Variants in DIP2C observed in about 807,000 individuals in gnomAD.
The protein encoded by DIP2C is DIP2 acetate--CoA ligase C (putative), also known as disco-interacting protein 2 homolog C.
A neutral mutation model predicts 192.4 loss-of-function variants in DIP2C; 33 were observed. The observed-to-expected ratio is 0.17, with a 90% CI of 0.13 to 0.23. The LOEUF is 0.23. DIP2C is among the 10% of genes least tolerant of loss of function. The pLI, the probability that DIP2C is intolerant of heterozygous loss-of-function variation, is 1.00. For missense variants in DIP2C, 1,537 were observed against 2,110.1 expected (o/e 0.73, Z 5.32); for synonymous variants, 979 against 864.1 (o/e 1.13, Z -2.33).
chr10:459,303 G>A (rs2133371572), intron 3 of DIP2C, among the ~76,000 whole-genome samples: 1 of 152,008 alleles, frequency 6.6e-6, no homozygotes, highest in South Asian at 2.1e-4. Context: ...GCACAACACT[G>A]CAGACATCCC....
At chr10:587,470 C>T (rs989354847) in intron 1 of DIP2C, among the ~76,000 whole-genome samples, 10 of 152,210 alleles carry the variant, frequency 6.6e-5, no homozygotes, top group African/African-American at 2.4e-5. Context: ...AAATCCAGGT[C>T]ATTTAATAAA....
intron 1 of DIP2C, among the ~76,000 whole-genome samples, chr10:592,251 ATGGTTCTGTGTAT>A (rs1851447425): frequency 2.0e-5 from 3 of 152,210 alleles, no homozygotes; most frequent in African/African-American, 7.2e-5. Flanking sequence ...ACTGAAGAAA[ATGGTTCTGTGTAT>A]TGGTAACAAG....
intron 1 of DIP2C, among the ~76,000 whole-genome samples, chr10:580,196 A>G (rs77506709): frequency 0.01 from 1,583 of 151,468 alleles, 31 homozygotes; most frequent in African/African-American, 0.036. Flanking sequence ...TAGTGTATAC[A>G]TATGCACATA....
intron 1 of DIP2C, among the ~76,000 whole-genome samples, chr10:597,922 G>A (rs1851812402): frequency 6.6e-6 from 1 of 152,152 alleles, no homozygotes; most frequent in Non-Finnish European, 1.5e-5. Context: ...TGCCCCCAGG[G>A]GCCAAGGAAA....
At chr10:502,149 T>G (rs11252820) in intron 1 of DIP2C, among the ~76,000 whole-genome samples, 10,114 of 152,166 alleles carry the variant, frequency 0.066, 404 homozygotes, top group East Asian at 0.15. Context: ...CTCAAAAACA[T>G]TCAAATTCCC....
intron 2 of DIP2C, among the ~76,000 whole-genome samples, chr10:473,266 G>T (rs776161506): frequency 6.6e-6 from 1 of 152,196 alleles, no homozygotes; most frequent in Admixed American, 6.5e-5. Flanking sequence ...AACACAACTA[G>T]ACAAAACTAA....
chr10:470,101 AGAT>A (rs909115424), intron 3 of DIP2C, among the ~76,000 whole-genome samples: 1 of 152,180 alleles, frequency 6.6e-6, no homozygotes, highest in Non-Finnish European at 1.5e-5. Flanking sequence ...ATAGGTAAGT[AGAT>A]GATTGGCGAA....
At chr10:648,945 C>T (rs1345254521) in intron 1 of DIP2C, among the ~76,000 whole-genome samples, 1 of 87,296 alleles carries the variant, frequency 1.1e-5, no homozygotes, top group African/African-American at 4.4e-5. Flanking sequence ...AGAACAGAGG[C>T]AAACTGAGTC....
intron 35 of DIP2C, 147 bp downstream of exon 35, chr10:283,125 A>C: frequency 8.9e-7 from 1 of 1,126,548 alleles, no homozygotes; most frequent in South Asian, 1.5e-5. Context: ...TTGCTCTTAA[A>C]CTCGGTTCTT....
chr10:668,638 TACAAC>T (rs1857260401), intron 1 of DIP2C: 1 of 152,182 alleles, frequency 6.6e-6, no homozygotes, highest in South Asian at 2.1e-4. Flanking sequence ...GCCACTCACA[TACAAC>T]ACAACACGCT....
chr10:599,037 C>G (rs1455593034), intron 1 of DIP2C, among the ~76,000 whole-genome samples: 1 of 152,200 alleles, frequency 6.6e-6, no homozygotes, highest in Admixed American at 6.5e-5. Context: ...CGGCGAAGAC[C>G]GTGTGGAATA....
At chr10:546,682 G>A (rs755434693) in intron 1 of DIP2C, among the ~76,000 whole-genome samples, 12 of 152,146 alleles carry the variant, frequency 7.9e-5, no homozygotes, top group Non-Finnish European at 1.5e-4. Flanking sequence ...CCTTTTAAGC[G>A]GACTGGTCTG....
intron 1 of DIP2C, among the ~76,000 whole-genome samples, chr10:586,262 T>A (rs1322199151): frequency 1.3e-5 from 2 of 152,230 alleles, no homozygotes; most frequent in East Asian, 1.9e-4. Flanking sequence ...GACGCAGCCA[T>A]CACAGCCTGA....
intron 29 of DIP2C, among the ~76,000 whole-genome samples, chr10:339,541 C>A (rs1431772822): frequency 6.6e-6 from 1 of 152,140 alleles, no homozygotes; most frequent in African/African-American, 2.4e-5. Flanking sequence ...AGCCTGCAGG[C>A]AGGAGGCTTC....
chr10:644,520 G>A (rs1315276740), intron 1 of DIP2C, among the ~76,000 whole-genome samples: 3 of 152,164 alleles, frequency 2.0e-5, no homozygotes, highest in East Asian at 1.9e-4. Flanking sequence ...AACACGGCCC[G>A]CCGTAGAGCC....
chr10:619,851 C>G (rs552385362), intron 1 of DIP2C, among the ~76,000 whole-genome samples: 1 of 152,316 alleles, frequency 6.6e-6, no homozygotes, highest in South Asian at 2.1e-4. Flanking sequence ...GGCACCCGCC[C>G]GTGGATGGGT....
intron 1 of DIP2C, among the ~76,000 whole-genome samples, chr10:617,566 C>A (rs1164078817): frequency 6.6e-6 from 1 of 152,176 alleles, no homozygotes; most frequent in Non-Finnish European, 1.5e-5. Context: ...TATTCCCACT[C>A]CACCCACCTC....
intron 1 of DIP2C, among the ~76,000 whole-genome samples, chr10:574,178 G>A (rs1319261454): frequency 6.6e-6 from 1 of 152,184 alleles, no homozygotes; most frequent in African/African-American, 2.4e-5. Context: ...AGACATTGCT[G>A]CTTTTAGCAA....
At position 327,111 on chromosome 10, in the gene DIP2C, G is replaced by T. The variant is rs780692048; in HGVS notation, c.3819C>A (p.Ile1273=). ...CVVVAEERPR[I]ALTQSFSKLF... ...GCTTTGAGAACGACTGTGTGAGTGC[G>T]ATCCGAGGCCTCTCTTCCGCCACAA... Residue 1273 remains isoleucine (I), a synonymous_variant, in exon 31 of 37, where the codon ATC becomes ATA. Coordinates refer to ENST00000280886, the MANE Select transcript of DIP2C (RefSeq NM_014974.3). 1.9e-6 allele frequency: 3 copies of T among 1,614,130 alleles called. No homozygotes were observed. The highest frequency in any genetic ancestry group is 2.2e-5 in the South Asian group (2 of 91,080).
Sources: allele counts gnomAD v4.1 joint callset (sites outside exome capture counted in the v4.1 genomes callset), GRCh38; gene constraint gnomAD v4.1.1; transcripts MANE v1.5; gene names NCBI Gene and HGNC (gene_info 2026-07-23, HGNC 2026-07-21).